Variants in SORL1-AS1 observed in about 807,000 individuals in gnomAD.
SORL1-AS1 encodes SORL1 antisense RNA 1.
chr11:121,442,587 ATGGTGCCAC>A (rs1860668789), downstream of SORL1-AS1, among the ~76,000 whole-genome samples: 1 of 151,322 alleles, frequency 6.6e-6, no homozygotes, highest in African/African-American at 2.4e-5. Context: ...GTGAGCTGAG[ATGGTGCCAC>A]TGTACTCCAG....
downstream of SORL1-AS1, chr11:121,447,279 C>T (rs1032361258): frequency 6.7e-6 from 1 of 148,732 alleles, no homozygotes; most frequent in Non-Finnish European, 1.5e-5. Flanking sequence ...GAAGGCCAGA[C>T]AAGGGTAAAC....
the SORL1-AS1 span, among the ~76,000 whole-genome samples, chr11:121,441,699 G>A: frequency 6.6e-6 from 1 of 152,036 alleles, no homozygotes; most frequent in East Asian, 1.9e-4. Context: ...ATGTTCTGGT[G>A]AGCCATTGTG....
downstream of SORL1-AS1, among the ~76,000 whole-genome samples, chr11:121,444,697 C>T (rs1860702827): frequency 6.6e-6 from 1 of 152,172 alleles, no homozygotes; most frequent in African/African-American, 2.4e-5. Context: ...CGGTGGGTGT[C>T]CCCCTGCTGG....
the SORL1-AS1 span, among the ~76,000 whole-genome samples, chr11:121,439,272 C>A: frequency 6.6e-6 from 1 of 152,144 alleles, no homozygotes; most frequent in South Asian, 2.1e-4. Context: ...ACCATTCTGG[C>A]GGGTGTGTAG....
At position 121,452,264 on chromosome 11, in the gene SORL1-AS1, C is replaced by A. The variant is rs1486935237; in HGVS notation, n.339+411G>T. 2 of 1,293,744 alleles carry A rather than the reference C, an allele frequency of 1.5e-6. No individual in the cohort carries two copies. Among genetic ancestry groups the A allele is most frequent in the African/African-American group, 3.1e-5 (2 of 64,202 alleles). The allele number at this position is 1,293,744 out of a possible 1,614,324, so 80.1% of individuals were successfully genotyped here. On this transcript the variant is annotated intron_variant and non_coding_transcript_variant, in intron 1 of 1. Coordinates refer to ENST00000501964, the Ensembl canonical transcript of SORL1-AS1. The surrounding 1 kb of genome is among the most constrained non-coding windows in gnomAD (Gnocchi z 5.3). ...GGCGCGCGCGGTCCCGGCCCAGCGG[C>A]TCTCCTGGCCTCGCGCTGCACATTC...
chr11:121,442,249 G>A, the SORL1-AS1 span, among the ~76,000 whole-genome samples: 1 of 152,130 alleles, frequency 6.6e-6, no homozygotes, highest in Non-Finnish European at 1.5e-5. Context: ...ATGCAGATGC[G>A]ACATTCCAGA....
At chr11:121,439,855 G>A in the SORL1-AS1 span, among the ~76,000 whole-genome samples, 25,136 of 152,210 alleles carry the variant, frequency 0.17, 2,150 homozygotes, top group African/African-American at 0.2. Flanking sequence ...GCCACAAGTT[G>A]TATTTGAATT....
chr11:121,450,340 C>G lies in SORL1-AS1; in HGVS notation n.340-441G>C, dbSNP rs1340774681. ...CTGAGAGACCATGGGGTTGTCCATT[C>G]CTGGTAAGGTGATGCTGACCAGACA... On this transcript the variant is annotated intron_variant and non_coding_transcript_variant, in intron 1 of 1. Transcript: ENST00000501964. This position sits in a 1 kb window ranked among gnomAD's most constrained non-coding sequence, Gnocchi z 5.2. Among the ~76,000 whole-genome samples the G allele has an allele frequency of 6.6e-6, 1 of 152,122 alleles. No homozygotes were observed. The highest frequency in any genetic ancestry group is 1.5e-5 in the Non-Finnish European group (1 of 68,030).
chr11:121,443,052 T>G (rs1591536260), downstream of SORL1-AS1, among the ~76,000 whole-genome samples: 1 of 150,788 alleles, frequency 6.6e-6, no homozygotes, highest in African/African-American at 2.4e-5. Context: ...CATGAAGACG[T>G]GGGATGGAAA....
At chr11:121,439,698 A>C in the SORL1-AS1 span, among the ~76,000 whole-genome samples, 2 of 152,194 alleles carry the variant, frequency 1.3e-5, no homozygotes, top group Non-Finnish European at 2.9e-5. Flanking sequence ...CATAACAGGC[A>C]CTTACAATAA....
chr11:121,438,539 G>A, the SORL1-AS1 span, among the ~76,000 whole-genome samples: 3,231 of 151,926 alleles, frequency 0.021, 120 homozygotes, highest in African/African-American at 0.073. Flanking sequence ...AAGTGGAGTC[G>A]TTCATTGTGT....
chr11:121,449,511 C>G (rs905920350), exon 2 of SORL1-AS1: 1 of 152,128 alleles, frequency 6.6e-6, no homozygotes, highest in Non-Finnish European at 1.5e-5. Context: ...GTGGTCAGGG[C>G]TGAAAGGTGT....
At chr11:121,441,518 G>A in the SORL1-AS1 span, among the ~76,000 whole-genome samples, 8 of 100,802 alleles carry the variant, frequency 7.9e-5, no homozygotes, top group African/African-American at 3.6e-4. Flanking sequence ...GTGACAGAGC[G>A]AGACTCTGTC....
At chr11:121,442,641 TTTTATTTATTTA>T (rs369945985), downstream of SORL1-AS1, among the ~76,000 whole-genome samples, 432 of 127,580 alleles carry the variant, frequency 3.4e-3, no homozygotes, top group Non-Finnish European at 3.8e-3. Context: ...TCTCTCTCTC[TTTTATTTATTTA>T]TTTATTTATT....
the SORL1-AS1 span, among the ~76,000 whole-genome samples, chr11:121,441,388 G>A: frequency 5.3e-5 from 8 of 151,356 alleles, no homozygotes; most frequent in African/African-American, 1.2e-4. Context: ...AAAATTAGCT[G>A]GGCGTGGTGG....
chr11:121,452,203 C>A lies in SORL1-AS1; in HGVS notation n.339+472G>T. On this transcript the variant is annotated intron_variant and non_coding_transcript_variant, in intron 1 of 1. Transcript: ENST00000501964. The surrounding 1 kb of genome is among the most constrained non-coding windows in gnomAD (Gnocchi z 5.3). Reference sequence around the variant, plus strand: ...AGCGGCGGCGGGCGCAGCGGGGCGGCCCGGAGCGGCGCGGGCGGCCTGGAG... The same window carrying A: ...AGCGGCGGCGGGCGCAGCGGGGCGGACCGGAGCGGCGCGGGCGGCCTGGAG... 2.0e-6 allele frequency: 1 copy of A among 488,640 alleles called. No individual in the cohort carries two copies. The highest frequency in any genetic ancestry group is 2.7e-6 in the Non-Finnish European group (1 of 368,708). The allele number at this position is 488,640 out of a possible 1,614,324, so 30.3% of individuals were successfully genotyped here. A position where few individuals can be genotyped will look rare whatever the true frequency, so the allele number is the denominator to read the frequency against.
intron 1 of SORL1-AS1, among the ~76,000 whole-genome samples, chr11:121,451,083 C>A (rs773694460): frequency 2.7e-4 from 41 of 152,272 alleles, no homozygotes; most frequent in Non-Finnish European, 4.6e-4. Context: ...CTTCCTTCCC[C>A]TGAACAGCAG....
the SORL1-AS1 span, among the ~76,000 whole-genome samples, chr11:121,441,737 G>C: frequency 2.0e-5 from 3 of 151,956 alleles, no homozygotes; most frequent in African/African-American, 7.3e-5. Context: ...AGGCACCCTG[G>C]GATGGCACAG....
chr11:121,439,178 T>C, the SORL1-AS1 span, among the ~76,000 whole-genome samples: 1 of 152,236 alleles, frequency 6.6e-6, no homozygotes, highest in East Asian at 1.9e-4. Context: ...TCTACCATTT[T>C]ATACTTTTGC....
Sources: allele counts gnomAD v4.1 joint callset (sites outside exome capture counted in the v4.1 genomes callset), GRCh38; gene constraint gnomAD v4.1.1; non-coding constraint Gnocchi (gnomAD v3.1); transcripts MANE v1.5; gene names NCBI Gene and HGNC (gene_info 2026-07-23, HGNC 2026-07-21).